Variants in LRP1 observed in about 807,000 individuals in gnomAD.
LRP1 encodes prolow-density lipoprotein receptor-related protein 1.
A neutral mutation model predicts 541.5 loss-of-function variants in LRP1; 51 were observed. That is an observed-to-expected ratio of 0.09 (90% confidence interval 0.08 to 0.12). The LOEUF (loss-of-function observed/expected upper bound fraction) is 0.12, where lower values mean the gene tolerates loss of function less well. LRP1 is among the 10% of genes least tolerant of loss of function. LRP1 has a pLI of 1.00. For synonymous variants in LRP1, 2,219 were observed against 2,470.8 expected (o/e 0.90, Z 3.02); for missense variants, 3,878 against 6,376.2 (o/e 0.61, Z 13.34).
Position 57,174,894 on chromosome 12 carries a change from G to A in LRP1, c.3548-566G>A, listed in dbSNP as rs35360719. Among the ~76,000 whole-genome samples, 760 of 152,310 alleles carry A rather than the reference G, an allele frequency of 5.0e-3. 6 individuals carry two copies. The highest frequency in any genetic ancestry group is 0.017 in the African/African-American group (708 of 41,566). ...ATGAGGAGCAGAGCAGCCTTATCTG[G>A]TCCTCTTAGCCAGGCAGAGCCCCCA... On this transcript the variant is annotated intron_variant, in intron 22 of 88. Coordinates refer to ENST00000243077, the MANE Select transcript of LRP1 (RefSeq NM_002332.3).
chr12:57,162,263 C>G lies in LRP1; in HGVS notation c.2203-54C>G. ...ATGAATGTACAAAACAGTGATCTCA[C>G]AGGCCTCCCTCAATTTTCTTCCAAC... On this transcript the variant is annotated intron_variant, in intron 13 of 88. Transcript: ENST00000243077. This position sits in a 1 kb window ranked among gnomAD's most constrained non-coding sequence, Gnocchi z 5.2. The G allele has an allele frequency of 8.4e-6, 12 of 1,435,578 alleles. No individual in the cohort carries two copies. The highest frequency in any genetic ancestry group is 1.2e-5 in the Non-Finnish European group (12 of 1,018,982). 88.9% of individuals were successfully genotyped at this position (1,435,578 alleles called of 1,614,324 possible). A position where few individuals can be genotyped will look rare whatever the true frequency, so the allele number is the denominator to read the frequency against.
At chr12:57,141,554 A>G (rs1002865513) in intron 3 of LRP1, 43 bp downstream of exon 3, 1 of 1,612,812 alleles carries the variant, frequency 6.2e-7, no homozygotes, top group Non-Finnish European at 8.5e-7. Flanking sequence ...TGGATGCAGC[A>G]TATTATCAGC....
In LRP1 at chr12:57,201,836, C is replaced by T; in HGVS notation, c.10525C>T (p.Pro3509Ser). The T allele has an allele frequency of 6.2e-7, 1 of 1,614,100 alleles. No individual in the cohort carries two copies. Among genetic ancestry groups the T allele is most frequent in the Non-Finnish European group, 8.5e-7 (1 of 1,180,000 alleles). The change falls in exon 67 of 89, where the codon CCA (proline) becomes TCA (serine). Residue 3509 changes from proline to serine, a missense_variant. This residue lies in a region of LRP1 where 278 missense variants were observed against 536.3 expected (regional missense o/e 0.52). Transcript: ENST00000243077. This position sits in a 1 kb window ranked among gnomAD's most constrained non-coding sequence, Gnocchi z 6.4. Reference protein sequence around the residue: ...FRCKDSGRCIPARWKCDGEDD... With the variant: ...FRCKDSGRCISARWKCDGEDD... ...CTGCAAGGATTCGGGCCGCTGCATC[C>T]CAGCGCGTTGGAAGTGTGACGGAGA...
Position 57,198,548 on chromosome 12 carries a change from A to T in LRP1, c.9554A>T (p.Asp3185Val). Residue 3185 changes from aspartate to valine, a missense_variant, in exon 60 of 89, where the codon GAC (aspartate) becomes GTC (valine). Asp to Val is a radical substitution (Grantham distance 152). This residue lies in a region of LRP1 where 1,100 missense variants were observed against 1,827.4 expected (regional missense o/e 0.60). Coordinates refer to ENST00000243077, the MANE Select transcript of LRP1 (RefSeq NM_002332.3). ...GGGTCCAGCCGCAGCGTCATCGTGG[A>T]CACCAAGATCACATGGCCCAATGGC... ...MDGSSRSVIV[D>V]TKITWPNGLT... 1 of 1,614,058 alleles carries T rather than the reference A, an allele frequency of 6.2e-7. No individual in the cohort carries two copies. The highest frequency in any genetic ancestry group is 8.5e-7 in the Non-Finnish European group (1 of 1,179,990).
At position 57,154,898 on chromosome 12, in the gene LRP1, C is replaced by T; in HGVS notation, c.1227+197C>T. ...GATACGGGTTCCACTGTGATGGGAA[C>T]AGTCATTTTAGAAACACCACTTCTG... On this transcript the variant is annotated intron_variant, in intron 8 of 88. Transcript: ENST00000243077. This position sits in a 1 kb window ranked among gnomAD's most constrained non-coding sequence, Gnocchi z 4.6. 3.2e-6 allele frequency: 2 copies of T among 616,440 alleles called. No homozygotes were observed. The highest frequency in any genetic ancestry group is 2.9e-6 in the Non-Finnish European group (1 of 345,006). The allele number at this position is 616,440 out of a possible 1,614,324, so 38.2% of individuals were successfully genotyped here.
intron 1 of LRP1, among the ~76,000 whole-genome samples, chr12:57,136,507 T>C (rs2035173571): frequency 6.6e-6 from 1 of 151,528 alleles, no homozygotes; most frequent in East Asian, 2.0e-4. Flanking sequence ...GAGGGTCATC[T>C]CACCCTCCTT....
In LRP1 at chr12:57,198,587, A is replaced by C; in HGVS notation, c.9593A>C (p.Tyr3198Ser). Residue 3198 changes from tyrosine (Y) to serine (S), a missense_variant, in exon 60 of 89, where the codon TAT becomes TCT. Around this residue, in one of 13 missense-constraint regions of LRP1, gnomAD observed 1,100 missense variants for 1,827.4 expected, o/e 0.60. Transcript: ENST00000243077. ...ITWPNGLTLD[Y>S]VTERIYWADA... is the part of the protein sequence containing the mutation. ...TGGCCCAATGGCCTGACGCTGGACT[A>C]TGTCACTGAGCGCATCTACTGGGCC... The C allele has an allele frequency of 6.2e-7, 1 of 1,613,936 alleles. No individual in the cohort carries two copies. Among genetic ancestry groups the C allele is most frequent in the Non-Finnish European group, 8.5e-7 (1 of 1,179,982 alleles).
chr12:57,210,460 C>G lies in LRP1; in HGVS notation c.12734C>G (p.Thr4245Ser). The G allele has an allele frequency of 6.5e-7, 1 of 1,533,472 alleles. No homozygotes were observed. The highest frequency in any genetic ancestry group is 8.8e-7 in the Non-Finnish European group (1 of 1,137,196). 95.0% of individuals were successfully genotyped at this position (1,533,472 alleles called of 1,614,324 possible). A position where few individuals can be genotyped will look rare whatever the true frequency, so the allele number is the denominator to read the frequency against. The change falls in exon 82 of 89, where the codon ACC becomes AGC. Residue 4245 changes from threonine (T) to serine (S), a missense_variant. Around this residue, in one of 13 missense-constraint regions of LRP1, gnomAD observed 871 missense variants for 1,212.4 expected, o/e 0.72. Transcript: ENST00000243077. ...TGGGAGCACTGTCGCAATGGGGGCA[C>G]CTGTGCTGCCTCCCCCTCTGGTATG... Reference protein sequence around the residue: ...QCWEHCRNGGTCAASPSGMPT... With the variant: ...QCWEHCRNGGSCAASPSGMPT...
In LRP1 at chr12:57,136,397, C is replaced by G. The variant is rs907570426; in HGVS notation, c.68-2062C>G. Among the ~76,000 whole-genome samples the G allele has an allele frequency of 1.0e-4, 10 of 99,216 alleles. No homozygotes were observed. In the East Asian group the frequency reaches 1.8e-3, roughly 18 times the overall value. The allele number at this position is 99,216 out of a possible 152,430, so 65.1% of individuals were successfully genotyped here. A position where few individuals can be genotyped will look rare whatever the true frequency, so the allele number is the denominator to read the frequency against. ...ATCAGACTCCCTCCCTCCTAAGAGC[C>G]CCCCCCCCCCGCCATTTTCCTTATA... On this transcript the variant is annotated intron_variant, in intron 1 of 88. Coordinates refer to ENST00000243077, the MANE Select transcript of LRP1 (RefSeq NM_002332.3).
In LRP1 at chr12:57,179,916, C is replaced by G; in HGVS notation, c.5101C>G (p.Leu1701Val). The G allele has an allele frequency of 1.2e-6, 2 of 1,614,150 alleles. No individual in the cohort carries two copies. The highest frequency in any genetic ancestry group is 1.7e-6 in the Non-Finnish European group (2 of 1,180,036). Reference protein sequence around the residue: ...GSFKNAVVQGLEQPHGLVVHP... With the variant: ...GSFKNAVVQGVEQPHGLVVHP... ...CTTCAAGAACGCAGTGGTGCAGGGC[C>G]TGGAGCAGCCCCATGGCCTTGTCGT... The change falls in exon 30 of 89, where the codon CTG becomes GTG. Residue 1701 changes from leucine to valine, a missense_variant. Leu to Val is a conservative substitution (Grantham distance 32). Coordinates refer to ENST00000243077, the MANE Select transcript of LRP1 (RefSeq NM_002332.3). This position sits in a 1 kb window ranked among gnomAD's most constrained non-coding sequence, Gnocchi z 6.8.
At chr12:57,148,723 G>A (rs577277083) in intron 6 of LRP1, among the ~76,000 whole-genome samples, 11 of 152,298 alleles carry the variant, frequency 7.2e-5, no homozygotes, top group Non-Finnish European at 1.3e-4. Context: ...TGTAAATAGA[G>A]GCCTTGAAGG....
intron 6 of LRP1, among the ~76,000 whole-genome samples, chr12:57,153,903 A>G (rs1401510530): frequency 6.6e-6 from 1 of 152,016 alleles, no homozygotes; most frequent in African/African-American, 2.4e-5. Flanking sequence ...CCCAAGTAAA[A>G]GCAAAGTTAA....
Position 57,193,555 on chromosome 12 carries a change from T to C in LRP1, c.7685-11T>C, listed in dbSNP as rs761630506. The stretch of plus-strand genomic sequence containing the variant: ...CTGTGGCTGACACGCAGCCTACTCC[T>C]CCATTTGCAGACTCCCGCCGCTGCA... On this transcript the variant is annotated splice_polypyrimidine_tract_variant and intron_variant, in intron 46 of 88. Transcript: ENST00000243077. 3 of 1,612,820 alleles carry C rather than the reference T, an allele frequency of 1.9e-6. No individual in the cohort carries two copies. Among genetic ancestry groups the C allele is most frequent in the Non-Finnish European group, 2.5e-6 (3 of 1,179,310 alleles).
In LRP1 at chr12:57,184,479, C is replaced by G; in HGVS notation, c.6186+27C>G. The G allele has an allele frequency of 6.2e-7, 1 of 1,613,748 alleles. No homozygotes were observed. Among genetic ancestry groups the G allele is most frequent in the Non-Finnish European group, 8.5e-7 (1 of 1,179,872 alleles). The stretch of plus-strand genomic sequence containing the variant: ...TTCGCACGCCAACTTGGCCTTGGAT[C>G]CGATGGTAGACCCCTGACCCAGGCT... On this transcript the variant is annotated intron_variant, in intron 38 of 88. Transcript: ENST00000243077. This position sits in a 1 kb window ranked among gnomAD's most constrained non-coding sequence, Gnocchi z 7.8.
chr12:57,147,516 A>G (rs754261263), intron 6 of LRP1: 1 of 151,686 alleles, frequency 6.6e-6, no homozygotes, highest in Non-Finnish European at 1.5e-5. Flanking sequence ...CCCTGCTTTC[A>G]CTCTGCCCTC....
rs762853466 is a variant in LRP1, at chr12:57,129,008, C to A, written c.44C>A (p.Ala15Asp). The change falls in exon 1 of 89, where the codon GCT (alanine) becomes GAT (aspartate). Residue 15 changes from alanine (A) to aspartate (D), a missense_variant. Physicochemically the swap from Ala to Asp is moderately radical, Grantham distance 126. This residue lies in a region of LRP1 where 293 missense variants were observed against 403.7 expected (regional missense o/e 0.73). Transcript: ENST00000243077. ...CTCCTGCTGCTGCCCCTGCTCTCAG[C>A]TCTGGTCGCGGCGGCTATCGACGGT... Reference protein sequence around the residue: ...PLLLLLPLLSALVAAAIDAPK... With the variant: ...PLLLLLPLLSDLVAAAIDAPK... The A allele has an allele frequency of 6.4e-7, 1 of 1,551,422 alleles. No homozygotes were observed. The highest frequency in any genetic ancestry group is 8.7e-7 in the Non-Finnish European group (1 of 1,146,860).
chr12:57,147,690 G>C (rs2035442107), intron 6 of LRP1: 1 of 152,230 alleles, frequency 6.6e-6, no homozygotes, highest in South Asian at 2.1e-4. Context: ...CAGGCAGAAG[G>C]GGGAGCCTGC....
intron 1 of LRP1, among the ~76,000 whole-genome samples, chr12:57,130,491 G>A (rs184803437): frequency 1.1e-4 from 15 of 141,950 alleles, no homozygotes; most frequent in African/African-American, 3.1e-4. Flanking sequence ...TCCAGATGCC[G>A]CACAGCCGGC....
Position 57,205,808 on chromosome 12 carries a change from G to A in LRP1, c.11590+131G>A. On this transcript the variant is annotated intron_variant, in intron 75 of 88. Transcript: ENST00000243077. The surrounding 1 kb of genome is among the most constrained non-coding windows in gnomAD (Gnocchi z 4.6). The stretch of plus-strand genomic sequence containing the variant: ...GACAAGAAGCCCCAGACTCATAGTT[G>A]CAGCTGCCTGAGCACAGTGCTGGCC... The A allele has an allele frequency of 7.4e-7, 1 of 1,356,532 alleles. No homozygotes were observed. The highest frequency in any genetic ancestry group is 1.0e-6 in the Non-Finnish European group (1 of 1,004,984). The allele number at this position is 1,356,532 out of a possible 1,614,324, so 84.0% of individuals were successfully genotyped here.
Sources: allele counts gnomAD v4.1 joint callset (sites outside exome capture counted in the v4.1 genomes callset), GRCh38; gene constraint gnomAD v4.1.1; regional missense constraint gnomAD v4.1.1; non-coding constraint Gnocchi (gnomAD v3.1); transcripts MANE v1.5; gene names NCBI Gene and HGNC (gene_info 2026-07-23, HGNC 2026-07-21).